The following TRPS1 variants were observed in gnomAD, a reference collection of about 807,000 sequenced individuals.
TRPS1 encodes the protein zinc finger transcription factor Trps1.
Under a neutral mutation model 101.2 loss-of-function variants are expected in TRPS1, and 6 were observed. That is an observed-to-expected ratio of 0.06 (90% CI 0.03 to 0.12). The LOEUF (loss-of-function observed/expected upper bound fraction) is 0.12. TRPS1 is among the 10% of genes least tolerant of loss of function. The pLI is 1.00. For synonymous variants in TRPS1, 578 were observed against 589.8 expected (o/e 0.98, Z 0.29); for missense variants, 1,363 against 1,567.0 (o/e 0.87, Z 2.20).
intron 1 of TRPS1, among the ~76,000 whole-genome samples, chr8:115,665,967 A>G (rs529423458): frequency 5.3e-5 from 8 of 152,334 alleles, no homozygotes; most frequent in African/African-American, 1.9e-4. Context: ...TCAGCTCGCC[A>G]GTGGTAAATA....
At position 115,585,115 on chromosome 8, in the gene TRPS1, C is replaced by T. The variant is rs139279388; in HGVS notation, c.2700+1886G>A. Among the ~76,000 whole-genome samples the T allele has an allele frequency of 3.9e-3, 596 of 152,152 alleles. 2 individuals carry two copies. The highest frequency in any genetic ancestry group is 6.5e-3 in the Non-Finnish European group (444 of 67,978). On this transcript the variant is annotated intron_variant, in intron 5 of 6. Transcript: ENST00000395715. ...TTGGAATTTGGCTATTATTGTAGAA[C>T]ACAGCTAAGGAATCTCTTGTTTAAG...
intron 1 of TRPS1, among the ~76,000 whole-genome samples, chr8:115,625,257 T>C (rs1438750237): frequency 6.6e-6 from 1 of 151,956 alleles, no homozygotes. Flanking sequence ...ATCCAGTTTC[T>C]ACACCTGATT....
rs1563580859 is a variant in TRPS1, at chr8:115,533,454, T to TTTTTTTTTTTTTTTTTTTTTTA, written c.2700+53546_2700+53547insTAAAAAAAAAAAAAAAAAAAAA. Among the ~76,000 whole-genome samples, 2 of 135,864 alleles carry TTTTTTTTTTTTTTTTTTTTTTA rather than the reference T, an allele frequency of 1.5e-5. 1 individual carries two copies. Among genetic ancestry groups the TTTTTTTTTTTTTTTTTTTTTTA allele is most frequent in the East Asian group, 4.5e-4 (2 of 4,442 alleles). 89.1% of individuals were successfully genotyped at this position (135,864 alleles called of 152,430 possible). A position where few individuals can be genotyped will look rare whatever the true frequency, so the allele number is the denominator to read the frequency against. On this transcript the variant is annotated intron_variant, in intron 5 of 6. Transcript: ENST00000395715. ...GTAATCTGTTTTTTTTTTTTTTTTT[T>TTTTTTTTTTTTTTTTTTTTTTA]TTTTTCCTGAAAAAAATCATGAGTG...
intron 1 of TRPS1, chr8:115,637,256 T>G: frequency 1.0e-6 from 1 of 985,382 alleles, no homozygotes; most frequent in Non-Finnish European, 1.2e-6. Context: ...GTTGCCAAGG[T>G]TAATAAGACA....
intron 5 of TRPS1, among the ~76,000 whole-genome samples, chr8:115,445,374 T>C (rs933353542): frequency 1.3e-5 from 2 of 152,218 alleles, no homozygotes; most frequent in African/African-American, 2.4e-5. Flanking sequence ...TTCCTACTTA[T>C]CATTTTCTGC....
intron 4 of TRPS1, among the ~76,000 whole-genome samples, chr8:115,600,110 T>C (rs1010750971): frequency 2.0e-5 from 3 of 152,252 alleles, no homozygotes; most frequent in Non-Finnish European, 4.4e-5. Context: ...TTTTCTCATA[T>C]GTTTATTGGC....
chr8:115,645,233 A>G (rs1468227894), intron 1 of TRPS1, among the ~76,000 whole-genome samples: 1 of 152,182 alleles, frequency 6.6e-6, no homozygotes, highest in Non-Finnish European at 1.5e-5. Context: ...ACACACGCAC[A>G]CACATACACA....
At chr8:115,461,070 G>C (rs751212421) in intron 5 of TRPS1, among the ~76,000 whole-genome samples, 6 of 152,112 alleles carry the variant, frequency 3.9e-5, no homozygotes, top group Non-Finnish European at 7.4e-5. Context: ...AGGTTAACAA[G>C]TAGTCTGGCA....
chr8:115,479,348 ATTAC>A (rs1266431565), intron 5 of TRPS1, among the ~76,000 whole-genome samples: 1 of 152,218 alleles, frequency 6.6e-6, no homozygotes, highest in East Asian at 1.9e-4. Context: ...TGAGTTAAAG[ATTAC>A]TTTGAGTTGG....
chr8:115,549,668 T>C (rs949156505), intron 5 of TRPS1, among the ~76,000 whole-genome samples: 21 of 139,048 alleles, frequency 1.5e-4, no homozygotes, highest in African/African-American at 5.8e-4. Context: ...TATAATACTC[T>C]ATTAAAAAAA....
intron 5 of TRPS1, among the ~76,000 whole-genome samples, chr8:115,504,950 G>A (rs758471693): frequency 1.3e-5 from 2 of 152,018 alleles, no homozygotes; most frequent in South Asian, 4.1e-4. Context: ...AAGGGCTTTG[G>A]CTGGCATTTT....
intron 1 of TRPS1, among the ~76,000 whole-genome samples, chr8:115,651,035 C>T (rs1811548473): frequency 6.6e-6 from 1 of 152,154 alleles, no homozygotes; most frequent in African/African-American, 2.4e-5. Flanking sequence ...GGCCTGAGAA[C>T]ATTCAAAACA....
At chr8:115,482,739 T>C (rs1180929708) in intron 5 of TRPS1, among the ~76,000 whole-genome samples, 3 of 152,186 alleles carry the variant, frequency 2.0e-5, no homozygotes, top group African/African-American at 7.2e-5. Flanking sequence ...ATAGCTTCAG[T>C]TGACCATCAA....
At chr8:115,436,545 T>G (rs990825728) in intron 5 of TRPS1, among the ~76,000 whole-genome samples, 1 of 152,100 alleles carries the variant, frequency 6.6e-6, no homozygotes, top group Non-Finnish European at 1.5e-5. Context: ...ATTATTATTG[T>G]TTTAGAGACA....
chr8:115,416,630 C>T (rs979510578), intron 6 of TRPS1, among the ~76,000 whole-genome samples: 3 of 149,700 alleles, frequency 2.0e-5, no homozygotes, highest in Non-Finnish European at 4.5e-5. Context: ...GTAAATTATT[C>T]CTAGAAGTGA....
chr8:115,525,481 G>T (rs1449613073), intron 5 of TRPS1, among the ~76,000 whole-genome samples: 1 of 152,032 alleles, frequency 6.6e-6, no homozygotes, highest in Non-Finnish European at 1.5e-5. Context: ...CTAAACAATG[G>T]TGGTGGTGGG....
intron 3 of TRPS1, among the ~76,000 whole-genome samples, chr8:115,608,098 T>C (rs1818080553): frequency 6.6e-6 from 1 of 152,162 alleles, no homozygotes; most frequent in Admixed American, 6.5e-5. Flanking sequence ...ATTGCAAACT[T>C]TTCAAATGGC....
chr8:115,468,667 G>C (rs1814386755), intron 5 of TRPS1, among the ~76,000 whole-genome samples: 1 of 152,178 alleles, frequency 6.6e-6, no homozygotes, highest in Non-Finnish European at 1.5e-5. Flanking sequence ...GAGTAGAACA[G>C]AGTGACTAAT....
intron 1 of TRPS1, among the ~76,000 whole-genome samples, chr8:115,651,228 G>C (rs1276770793): frequency 6.6e-6 from 1 of 152,068 alleles, no homozygotes; most frequent in African/African-American, 2.4e-5. Context: ...ATGAATTCAG[G>C]CTTCCCCTTT....
Sources: allele counts gnomAD v4.1 joint callset (sites outside exome capture counted in the v4.1 genomes callset), GRCh38; gene constraint gnomAD v4.1.1; transcripts MANE v1.5; gene names NCBI Gene and HGNC (gene_info 2026-07-23, HGNC 2026-07-21).